The following MTR variants were observed in gnomAD, a reference collection of about 807,000 sequenced individuals.
The protein encoded by MTR is 5-methyltetrahydrofolate-homocysteine methyltransferase, also known as methionine synthase.
In MTR, 84 loss-of-function variants were observed where a neutral mutation model predicts 154.8. That is an observed-to-expected ratio of 0.54 (90% confidence interval 0.45 to 0.65). The LOEUF (loss-of-function observed/expected upper bound fraction) is 0.65, where lower values mean the gene tolerates loss of function less well. Ranked by LOEUF, MTR falls within the 30% of genes least tolerant of loss-of-function variation. The pLI is 0.00. For missense variants in MTR, 1,275 were observed against 1,570.2 expected (o/e 0.81, Z 3.18); for synonymous variants, 554 against 553.9 (o/e 1.00, Z 0.00).
intron 1 of MTR, among the ~76,000 whole-genome samples, chr1:236,797,534 C>G (rs777644805): frequency 6.6e-6 from 1 of 152,036 alleles, no homozygotes; most frequent in Non-Finnish European, 1.5e-5. Flanking sequence ...GAATTGGTAT[C>G]AATTGATGAG....
intron 13 of MTR, among the ~76,000 whole-genome samples, chr1:236,835,221 G>T (rs981193908): frequency 1.3e-5 from 2 of 152,034 alleles, no homozygotes; most frequent in South Asian, 2.1e-4. Context: ...GAAGGCTCCA[G>T]TCGGGGTGGA....
chr1:236,858,721 GTGAT>G (rs1405449032), intron 18 of MTR, among the ~76,000 whole-genome samples: 2 of 152,154 alleles, frequency 1.3e-5, no homozygotes, highest in Admixed American at 1.3e-4. Context: ...TTAGGATGAG[GTGAT>G]TGATTGAATT....
chr1:236,884,132 C>T (rs2185471), intron 25 of MTR, among the ~76,000 whole-genome samples: 6,308 of 152,212 alleles, frequency 0.041, 400 homozygotes, highest in East Asian at 0.2. Flanking sequence ...TTATTGGTTT[C>T]CTTTCCAATT....
At chr1:236,830,778 C>T (rs924119566) in intron 12 of MTR, among the ~76,000 whole-genome samples, 4 of 152,256 alleles carry the variant, frequency 2.6e-5, no homozygotes, top group African/African-American at 9.6e-5. Context: ...CCATGAGGAT[C>T]ATTGCCAGAT....
At chr1:236,840,515 A>C (rs1009393306) in intron 15 of MTR, among the ~76,000 whole-genome samples, 4 of 152,326 alleles carry the variant, frequency 2.6e-5, no homozygotes, top group South Asian at 4.1e-4. Flanking sequence ...AGGTGGTCTT[A>C]TAAGACCCCT....
intron 25 of MTR, among the ~76,000 whole-genome samples, chr1:236,883,762 C>T (rs1197563617): frequency 6.6e-6 from 1 of 152,146 alleles, no homozygotes; most frequent in Non-Finnish European, 1.5e-5. Context: ...TATACTAACT[C>T]ATAGGTGATT....
At chr1:236,889,130 A>T in intron 27 of MTR, 51 bp from the exon 28 acceptor site, 1 of 1,611,390 alleles carries the variant, frequency 6.2e-7, no homozygotes, top group Non-Finnish European at 8.5e-7. Context: ...GGAGGCCTCC[A>T]TCAGGCAGGG....
chr1:236,842,457 C>T (rs73129156), intron 15 of MTR, among the ~76,000 whole-genome samples: 10,600 of 152,078 alleles, frequency 0.07, 715 homozygotes, highest in African/African-American at 0.18. Context: ...TATTTCTTTC[C>T]TGTTTTCCAA....
chr1:236,868,104 A>C (rs1161870830), intron 22 of MTR, among the ~76,000 whole-genome samples: 2 of 152,202 alleles, frequency 1.3e-5, no homozygotes, highest in Non-Finnish European at 2.9e-5. Context: ...TGTGAAAGTT[A>C]GATTCAATTG....
At chr1:236,812,621 A>G in intron 5 of MTR, 117 bp from the exon 6 acceptor site, 2 of 822,154 alleles carry the variant, frequency 2.4e-6, no homozygotes, top group Non-Finnish European at 4.3e-6. Flanking sequence ...CATGTTCTTA[A>G]ACTATGCATT....
chr1:236,800,412 A>G, intron 1 of MTR: 1 of 985,436 alleles, frequency 1.0e-6, no homozygotes, highest in Non-Finnish European at 1.2e-6. Context: ...AGTTCACGTG[A>G]TGTCATTTCA....
chr1:236,889,140 G>T lies in MTR; in HGVS notation c.2852-41G>T, dbSNP rs571380542. Reference sequence around the variant, plus strand: ...GGCAGGGAGGCCTCCATCAGGCAGGGTGCCAGCGTCAGCATTGACAACCAT... The same window carrying T: ...GGCAGGGAGGCCTCCATCAGGCAGGTTGCCAGCGTCAGCATTGACAACCAT... On this transcript the variant is annotated intron_variant, in intron 27 of 32. Transcript: ENST00000366577. 1.7e-5 allele frequency: 27 copies of T among 1,613,106 alleles called. No individual in the cohort carries two copies. In the African/African-American group the frequency reaches 2.7e-4, roughly 16 times the overall value.
rs1026168159 is a variant in MTR, at chr1:236,902,687, G to A, written c.*5043G>A. 6.6e-6 allele frequency: 1 copy of A among 152,086 alleles called. No individual in the cohort carries two copies. The highest frequency in any genetic ancestry group is 1.5e-5 in the Non-Finnish European group (1 of 68,078). The allele number at this position is 152,086 out of a possible 1,614,324, so 9.4% of individuals were successfully genotyped here. ...TTGTTAAATGAGTTCGGGGCGGGGG[G>A]AGCATGATGGTTTTCTCTCTCTCAG... On this transcript the variant is annotated 3_prime_UTR_variant, in exon 33 of 33. Coordinates refer to ENST00000366577, the MANE Select transcript of MTR (RefSeq NM_000254.3).
chr1:236,835,802 A>G (rs1572236230), intron 14 of MTR, 115 bp downstream of exon 14: 1 of 1,339,810 alleles, frequency 7.5e-7, no homozygotes, highest in Non-Finnish European at 1.1e-6. Flanking sequence ...TCTGTTTCTC[A>G]ACATCGAAAA....
At chr1:236,817,513 T>G (rs1661665709) in intron 8 of MTR, among the ~76,000 whole-genome samples, 1 of 152,172 alleles carries the variant, frequency 6.6e-6, no homozygotes, top group Non-Finnish European at 1.5e-5. Flanking sequence ...CTGTTCTAAG[T>G]GCTTTATGTG....
Position 236,795,467 on chromosome 1 carries a change from G to A in MTR, c.-237G>A, listed in dbSNP as rs1393516073. The A allele has an allele frequency of 2.0e-6, 3 of 1,506,254 alleles. No homozygotes were observed. Among genetic ancestry groups the A allele is most frequent in the South Asian group, 1.2e-5 (1 of 82,978 alleles). 93.3% of individuals were successfully genotyped at this position (1,506,254 alleles called of 1,614,324 possible). ...CACCAAGGACTGGCCGGGTACCCGG[G>A]AAGAAAGCACGTGCTCCAGCAGTTG... On this transcript the variant is annotated 5_prime_UTR_variant, in exon 1 of 33. Coordinates refer to ENST00000366577, the MANE Select transcript of MTR (RefSeq NM_000254.3).
chr1:236,849,373 C>G (rs1663768137), intron 15 of MTR, among the ~76,000 whole-genome samples: 1 of 152,022 alleles, frequency 6.6e-6, no homozygotes, highest in Non-Finnish European at 1.5e-5. Flanking sequence ...CAAAATAATA[C>G]AATTTCTGGA....
Position 236,826,813 on chromosome 1 carries a change from C to G in MTR, c.928-16C>G, listed in dbSNP as rs1375389399. 1.2e-6 allele frequency: 2 copies of G among 1,613,118 alleles called. No homozygotes were observed. The highest frequency in any genetic ancestry group is 1.3e-5 in the African/African-American group (1 of 74,894). Reference sequence around the variant, plus strand: ...TCAAGTGAACTTGCTGAAACTTTGTCTCTTCCTAAATGCAGGATTTTGCTA... The same window carrying G: ...TCAAGTGAACTTGCTGAAACTTTGTGTCTTCCTAAATGCAGGATTTTGCTA... On this transcript the variant is annotated splice_polypyrimidine_tract_variant and intron_variant, in intron 10 of 32. Transcript: ENST00000366577.
At position 236,903,182 on chromosome 1, in the gene MTR, A is replaced by G. The variant is rs1035383892; in HGVS notation, c.*5538A>G. Reference sequence around the variant, plus strand: ...GATACACAGAAATTTTTAAGTGGTTACCTCCACGGAATGGGATTAGGGGAT... The same window carrying G: ...GATACACAGAAATTTTTAAGTGGTTGCCTCCACGGAATGGGATTAGGGGAT... On this transcript the variant is annotated 3_prime_UTR_variant, in exon 33 of 33. Transcript: ENST00000366577. The G allele has an allele frequency of 2.6e-5, 4 of 152,130 alleles. No individual in the cohort carries two copies. Among genetic ancestry groups the G allele is most frequent in the African/African-American group, 9.7e-5 (4 of 41,432 alleles). The allele number at this position is 152,130 out of a possible 1,614,324, so 9.4% of individuals were successfully genotyped here.
Sources: gnomAD v4.1 joint callset for allele counts (sites outside exome capture counted in the v4.1 genomes callset) on GRCh38, gnomAD v4.1.1 for gene constraint, MANE v1.5 for transcripts, NCBI Gene and HGNC (gene_info 2026-07-23, HGNC 2026-07-21) for gene names.